Variants in IFT88 observed in about 807,000 individuals in gnomAD.
IFT88 encodes intraflagellar transport 88.
A neutral mutation model predicts 119.5 loss-of-function variants in IFT88; 74 were observed. The observed-to-expected ratio is 0.62, with a 90% CI of 0.51 to 0.75. IFT88 has a LOEUF of 0.75. IFT88 is among the 30% of genes least tolerant of loss of function. The pLI is 0.00. For synonymous variants in IFT88, 279 were observed against 316.7 expected (o/e 0.88, Z 1.26); for missense variants, 961 against 977.7 (o/e 0.98, Z 0.23).
chr13:20,625,982 T>C (rs556288968), intron 15 of IFT88, 133 bp downstream of exon 15: 1 of 443,772 alleles, frequency 2.3e-6, no homozygotes, highest in East Asian at 3.8e-5. Flanking sequence ...TATTTCTATT[T>C]TATGTTAATT....
At chr13:20,631,710 G>A (rs2048235269) in intron 16 of IFT88, 1 of 152,468 alleles carries the variant, frequency 6.6e-6, no homozygotes, top group Non-Finnish European at 1.5e-5. Flanking sequence ...TTTCAGGTCA[G>A]AATATAGAAA....
At chr13:20,638,268 T>C (rs771565327) in intron 16 of IFT88, 64 bp from the exon 17 acceptor site, 22 of 875,094 alleles carry the variant, frequency 2.5e-5, no homozygotes, top group Middle Eastern at 2.6e-4. Flanking sequence ...ATGTCTGTAA[T>C]CTCAGAACAG....
At chr13:20,690,838 C>T in intron 25 of IFT88, 23 bp downstream of exon 25, 1 of 1,540,294 alleles carries the variant, frequency 6.5e-7, no homozygotes, top group Non-Finnish European at 9.0e-7. Flanking sequence ...CACCCAGTTC[C>T]TCCAGGCATA....
intron 19 of IFT88, among the ~76,000 whole-genome samples, chr13:20,644,501 AAAT>A (rs1421323192): frequency 6.6e-6 from 1 of 151,984 alleles, no homozygotes; most frequent in Non-Finnish European, 1.5e-5. Context: ...GACTGTCTTA[AAAT>A]AATAATAATT....
At chr13:20,621,663 C>A (rs1284909127) in intron 14 of IFT88, among the ~76,000 whole-genome samples, 1 of 151,864 alleles carries the variant, frequency 6.6e-6, no homozygotes, top group Non-Finnish European at 1.5e-5. Flanking sequence ...ATTTTCCCCA[C>A]TTCCTACCCA....
In IFT88 at chr13:20,656,534, C is replaced by T. The variant is rs907216534; in HGVS notation, c.2068+104C>T. ...CAGTAATTGTATACGTAAATACCAA[C>T]CTATAATTTGTGATACATATTTTAA... On this transcript the variant is annotated intron_variant, in intron 22 of 25. Transcript: ENST00000351808. 5.3e-5 allele frequency: 23 copies of T among 435,438 alleles called. No individual in the cohort carries two copies. The Admixed American group carries it at 6.9e-4, about 13-fold the overall frequency. 27.0% of individuals were successfully genotyped at this position (435,438 alleles called of 1,614,324 possible). A position where few individuals can be genotyped will look rare whatever the true frequency, so the allele number is the denominator to read the frequency against.
intron 20 of IFT88, among the ~76,000 whole-genome samples, chr13:20,646,174 A>G (rs1328365667): frequency 6.6e-6 from 1 of 151,892 alleles, no homozygotes; most frequent in Non-Finnish European, 1.5e-5. Context: ...TTTTCTTTCC[A>G]TCACTATTCT....
chr13:20,581,536 C>T (rs1033824921), intron 2 of IFT88, among the ~76,000 whole-genome samples: 3 of 152,040 alleles, frequency 2.0e-5, no homozygotes, highest in African/African-American at 4.8e-5. Context: ...AACTGAGAAT[C>T]GTGTAATTTT....
chr13:20,611,902 G>A (rs2044618477), intron 13 of IFT88, among the ~76,000 whole-genome samples: 4 of 152,206 alleles, frequency 2.6e-5, no homozygotes, highest in South Asian at 2.1e-4. Context: ...CACCGCACCC[G>A]GCCCACTTTC....
intron 20 of IFT88, among the ~76,000 whole-genome samples, chr13:20,645,986 A>C (rs1451662705): frequency 2.0e-5 from 3 of 152,202 alleles, no homozygotes; most frequent in African/African-American, 7.2e-5. Flanking sequence ...TCAGTAATAC[A>C]CTGTAAGCTT....
chr13:20,664,185 G>A (rs920321750), intron 23 of IFT88, among the ~76,000 whole-genome samples: 1 of 152,156 alleles, frequency 6.6e-6, no homozygotes. Context: ...ACTTAAGAGA[G>A]GAACATAAAC....
rs199542421 is a variant in IFT88, at chr13:20,592,286, G to A, written c.329-49G>A. 318 of 1,386,582 alleles carry A rather than the reference G, an allele frequency of 2.3e-4. No homozygotes were observed. In the African/African-American group the frequency reaches 3.8e-3, roughly 16 times the overall value. 85.9% of individuals were successfully genotyped at this position (1,386,582 alleles called of 1,614,324 possible). On this transcript the variant is annotated intron_variant, in intron 6 of 25. Coordinates refer to ENST00000351808, the MANE Select transcript of IFT88 (RefSeq NM_006531.5). ...GGTTTTATATTTTCATATATTCTTC[G>A]ATTTTGCTGAGTTACAAATTGAATA... is the stretch of plus-strand genomic sequence containing the variant.
intron 9 of IFT88, 39 bp from the exon 10 acceptor site, chr13:20,598,612 T>C (rs1319176858): frequency 8.1e-7 from 1 of 1,227,744 alleles, no homozygotes; most frequent in African/African-American, 1.5e-5. Flanking sequence ...GGGCCTAAAG[T>C]GGTCTTATGT....
At chr13:20,581,476 G>A (rs2038631466) in intron 2 of IFT88, among the ~76,000 whole-genome samples, 1 of 152,066 alleles carries the variant, frequency 6.6e-6, no homozygotes, top group African/African-American at 2.4e-5. Context: ...TTATGTTGAA[G>A]GTTACCTTTG....
intron 2 of IFT88, 72 bp from the exon 3 acceptor site, chr13:20,582,885 C>T: frequency 8.7e-7 from 1 of 1,154,016 alleles, no homozygotes; most frequent in Non-Finnish European, 1.3e-6. Flanking sequence ...GAGTACCAAA[C>T]AGCAGTTTAA....
At chr13:20,598,214 T>A (rs1286502413) in intron 9 of IFT88, among the ~76,000 whole-genome samples, 2 of 152,182 alleles carry the variant, frequency 1.3e-5, no homozygotes, top group African/African-American at 4.8e-5. Context: ...CATAATTTAC[T>A]ATAAATTAAT....
chr13:20,608,552 T>C (rs766442329), intron 13 of IFT88, among the ~76,000 whole-genome samples: 3 of 152,200 alleles, frequency 2.0e-5, no homozygotes, highest in Non-Finnish European at 2.9e-5. Context: ...GGGATCGCTG[T>C]GGCTGTAGAC....
At chr13:20,613,948 A>AAGAC (rs1555271895) in intron 13 of IFT88, among the ~76,000 whole-genome samples, 1 of 104,712 alleles carries the variant, frequency 9.6e-6, no homozygotes, top group East Asian at 2.9e-4. Flanking sequence ...CAAATCTATA[A>AAGAC]AGATTTGCCA....
chr13:20,582,307 T>G (rs778564640), intron 2 of IFT88, among the ~76,000 whole-genome samples: 3 of 152,170 alleles, frequency 2.0e-5, no homozygotes, highest in Non-Finnish European at 4.4e-5. Context: ...TGAAGGGGAA[T>G]GTAAGTACAT....
Sources: gnomAD v4.1 joint callset for allele counts (sites outside exome capture counted in the v4.1 genomes callset) on GRCh38, gnomAD v4.1.1 for gene constraint, MANE v1.5 for transcripts, NCBI Gene and HGNC (gene_info 2026-07-23, HGNC 2026-07-21) for gene names.